SNX10: variants seen among roughly 807,000 people sequenced by gnomAD.
SNX10 encodes the protein sorting nexin-10.
Under a neutral mutation model 28.5 loss-of-function variants are expected in SNX10, and 25 were observed. The ratio of observed to expected loss-of-function variants is 0.88; its 90% CI spans 0.64 to 1.22. The LOEUF is 1.22. SNX10 is among the 50% of genes most tolerant of loss of function. The probability of loss-of-function intolerance (pLI) is 0.00; values close to 1 mark genes in which losing one functional copy is unlikely to be tolerated. For missense variants in SNX10, 223 were observed against 242.6 expected (o/e 0.92, Z 0.54); for synonymous variants, 62 against 81.4 (o/e 0.76, Z 1.28).
intron 1 of SNX10, among the ~76,000 whole-genome samples, chr7:26,313,726 TA>T (rs35008226): frequency 1.3e-5 from 2 of 151,338 alleles, no homozygotes; most frequent in South Asian, 2.1e-4. Flanking sequence ...GCATAATAAT[TA>T]AAAAAAAATG....
chr7:26,295,304 C>G (rs566013517), intron 1 of SNX10, among the ~76,000 whole-genome samples: 3 of 152,018 alleles, frequency 2.0e-5, no homozygotes, highest in Non-Finnish European at 4.4e-5. Flanking sequence ...TCAAGTGATC[C>G]ACCCACCTCA....
rs145213551 is a variant in SNX10 at position 26,344,355 on chromosome 7, G to T, written c.-23-2065G>T. On this transcript the variant is annotated intron_variant, in intron 1 of 6. Transcript: ENST00000338523. ...CGGATAAGTTTTTGTTTTTGGTAGA[G>T]TTGGGGTTTTGCCCTGTTGGCCAGG... 6.1e-3 allele frequency among the ~76,000 whole-genome samples: 926 copies of T among 152,104 alleles called. 34 individuals are homozygous for T. The highest frequency in any genetic ancestry group is 0.053 in the Admixed American group (811 of 15,284).
At chr7:26,305,647 C>T (rs756797834) in intron 1 of SNX10, among the ~76,000 whole-genome samples, 5 of 152,176 alleles carry the variant, frequency 3.3e-5, no homozygotes, top group Admixed American at 6.5e-5. Context: ...CAGGAAACTT[C>T]CTATGTTGGG....
chr7:26,371,803 C>CTTTTTTT lies in SNX10; in HGVS notation c.312-14_312-8dup. ...CCATCCTGTTCACCAATTATTTTTCCTTTTTTTTTTAATATAGAGTCCTAC... is the reference window on the plus strand; with the variant it reads ...CCATCCTGTTCACCAATTATTTTTCCTTTTTTTTTTTTTTTTTAATATAGAGTCCTAC... On this transcript the variant is annotated splice_polypyrimidine_tract_variant and intron_variant, in intron 5 of 6. Transcript: ENST00000338523. The CTTTTTTT allele has an allele frequency of 7.6e-7, 1 of 1,314,392 alleles. No homozygotes were observed. The highest frequency in any genetic ancestry group is 2.0e-5 in the Admixed American group (1 of 49,418). The allele number at this position is 1,314,392 out of a possible 1,614,324, so 81.4% of individuals were successfully genotyped here.
At chr7:26,333,591 T>C (rs1400597984) in intron 1 of SNX10, among the ~76,000 whole-genome samples, 1 of 152,224 alleles carries the variant, frequency 6.6e-6, no homozygotes, top group Non-Finnish European at 1.5e-5. Context: ...CCCAAAGTGC[T>C]GGGATTACAG....
chr7:26,341,134 C>T (rs1412321642), intron 1 of SNX10, among the ~76,000 whole-genome samples: 1 of 151,864 alleles, frequency 6.6e-6, no homozygotes, highest in Non-Finnish European at 1.5e-5. Context: ...ACCATCTCTA[C>T]AAAAATTTAA....
At chr7:26,306,666 A>C (rs952211762) in intron 1 of SNX10, among the ~76,000 whole-genome samples, 2 of 152,040 alleles carry the variant, frequency 1.3e-5, no homozygotes, top group Admixed American at 6.5e-5. Flanking sequence ...CTCCCAAAGC[A>C]CTGGGATTAC....
chr7:26,343,893 A>G (rs988817214), intron 1 of SNX10, among the ~76,000 whole-genome samples: 5 of 152,160 alleles, frequency 3.3e-5, no homozygotes, highest in Admixed American at 1.3e-4. Flanking sequence ...TTTAGGCCTC[A>G]GCGGAAGTGC....
At chr7:26,324,191 T>A (rs998552676) in intron 1 of SNX10, among the ~76,000 whole-genome samples, 1 of 152,132 alleles carries the variant, frequency 6.6e-6, no homozygotes, top group East Asian at 1.9e-4. Context: ...GATATTTTTG[T>A]TGTAATGAGA....
chr7:26,327,694 T>C (rs1787555191), intron 1 of SNX10, among the ~76,000 whole-genome samples: 1 of 151,980 alleles, frequency 6.6e-6, no homozygotes, highest in African/African-American at 2.4e-5. Context: ...TCATCACTCA[T>C]TTGTTCATTG....
chr7:26,306,448 G>A (rs941997047), intron 1 of SNX10, among the ~76,000 whole-genome samples: 1 of 137,362 alleles, frequency 7.3e-6, no homozygotes, highest in African/African-American at 2.7e-5. Context: ...GTCTTGTTTT[G>A]TCACTCAGGC....
At chr7:26,357,889 G>A (rs1474722969) in intron 2 of SNX10, among the ~76,000 whole-genome samples, 1 of 152,128 alleles carries the variant, frequency 6.6e-6, no homozygotes, top group Non-Finnish European at 1.5e-5. Flanking sequence ...GGTGGATCAG[G>A]CTAGAGGCTG....
intron 1 of SNX10, among the ~76,000 whole-genome samples, chr7:26,344,689 C>G (rs1411758560): frequency 6.6e-6 from 1 of 152,192 alleles, no homozygotes; most frequent in Admixed American, 6.5e-5. Flanking sequence ...CACCGTGTGT[C>G]CTGCTTGCAC....
intron 1 of SNX10, among the ~76,000 whole-genome samples, chr7:26,318,109 C>T (rs1049783980): frequency 7.2e-5 from 11 of 152,086 alleles, no homozygotes; most frequent in Non-Finnish European, 1.0e-4. Flanking sequence ...AATTTTAAGA[C>T]GCAAATGTTA....
intron 1 of SNX10, among the ~76,000 whole-genome samples, chr7:26,327,732 T>TC (rs1470918124): frequency 3.6e-5 from 5 of 138,724 alleles, no homozygotes; most frequent in Admixed American, 7.1e-5. Context: ...TTTTCTTTTT[T>TC]TTTTTTTTTT....
rs185061843 is a variant in SNX10, at chr7:26,327,614, C to T, written c.-23-18806C>T. On this transcript the variant is annotated intron_variant, in intron 1 of 6. Coordinates refer to ENST00000338523, the MANE Select transcript of SNX10 (RefSeq NM_013322.3). ...TGTACCTGCTTGGTTGCATCTCCTC[C>T]ATTAGGCTGAATATGTTTTAATTTT... 2.6e-5 allele frequency among the ~76,000 whole-genome samples: 4 copies of T among 152,164 alleles called. No individual in the cohort carries two copies. The East Asian group carries it at 7.7e-4, about 29-fold the overall frequency.
intron 1 of SNX10, among the ~76,000 whole-genome samples, chr7:26,316,575 A>G (rs1338759844): frequency 6.6e-6 from 1 of 152,200 alleles, no homozygotes; most frequent in Non-Finnish European, 1.5e-5. Context: ...AGCAATTACT[A>G]TGTGCTTGTT....
intron 1 of SNX10, among the ~76,000 whole-genome samples, chr7:26,329,488 G>T (rs959822117): frequency 6.6e-6 from 1 of 152,144 alleles, no homozygotes; most frequent in African/African-American, 2.4e-5. Context: ...CATTAAGCTT[G>T]TTCATTATCT....
At chr7:26,371,141 T>C (rs367979516) in intron 5 of SNX10, among the ~76,000 whole-genome samples, 2 of 152,128 alleles carry the variant, frequency 1.3e-5, no homozygotes, top group Non-Finnish European at 2.9e-5. Flanking sequence ...GAGCAGTATG[T>C]ATTCATCACA....
Sources: allele counts gnomAD v4.1 joint callset (sites outside exome capture counted in the v4.1 genomes callset), GRCh38; gene constraint gnomAD v4.1.1; transcripts MANE v1.5; gene names NCBI Gene and HGNC (gene_info 2026-07-23, HGNC 2026-07-21).